SGMS1: variants seen among roughly 807,000 people sequenced by gnomAD.
SGMS1 encodes phosphatidylcholine:ceramide cholinephosphotransferase 1.
A neutral mutation model predicts 46.2 loss-of-function variants in SGMS1; 13 were observed. The ratio of observed to expected loss-of-function variants is 0.28; its 90% CI spans 0.18 to 0.45. The LOEUF (loss-of-function observed/expected upper bound fraction) is 0.45, where lower values mean the gene tolerates loss of function less well. SGMS1 is among the 20% of genes least tolerant of loss of function. The pLI is 1.00. For missense variants in SGMS1, 324 were observed against 519.9 expected (o/e 0.62, Z 3.66); for synonymous variants, 203 against 187.8 (o/e 1.08, Z -0.66).
intron 6 of SGMS1, among the ~76,000 whole-genome samples, chr10:50,374,212 G>C (rs905194736): frequency 1.3e-5 from 2 of 152,140 alleles, no homozygotes; most frequent in African/African-American, 4.8e-5. Flanking sequence ...ACAAAGCATT[G>C]TCCTGGGCAT....
intron 3 of SGMS1, among the ~76,000 whole-genome samples, chr10:50,489,182 A>T (rs572221512): frequency 1.7e-4 from 26 of 152,348 alleles, no homozygotes; most frequent in Non-Finnish European, 1.5e-5. Context: ...GGGCATAAGG[A>T]GTAATCTTTT....
chr10:50,398,513 C>T (rs866791075), intron 6 of SGMS1, among the ~76,000 whole-genome samples: 80 of 152,162 alleles, frequency 5.3e-4, no homozygotes, highest in Admixed American at 2.4e-3. Flanking sequence ...GCTAACAATA[C>T]CGGTGTTGTA....
chr10:50,587,135 C>A (rs965159944), intron 2 of SGMS1, among the ~76,000 whole-genome samples: 1 of 152,124 alleles, frequency 6.6e-6, no homozygotes, highest in East Asian at 1.9e-4. Context: ...AGTAGTCATC[C>A]ATGGAGCAAG....
At chr10:50,475,387 T>C (rs1837411854) in intron 3 of SGMS1, among the ~76,000 whole-genome samples, 1 of 152,246 alleles carries the variant, frequency 6.6e-6, no homozygotes, top group South Asian at 2.1e-4. Flanking sequence ...ACCTTTGATA[T>C]ACGTTCATTT....
intron 6 of SGMS1, among the ~76,000 whole-genome samples, chr10:50,410,987 AG>A (rs1478509384): frequency 6.6e-6 from 1 of 152,214 alleles, no homozygotes; most frequent in Non-Finnish European, 1.5e-5. Context: ...CATTCATTAT[AG>A]GTTAGTTTAA....
intron 6 of SGMS1, among the ~76,000 whole-genome samples, chr10:50,402,501 G>A (rs917822893): frequency 6.6e-6 from 1 of 152,124 alleles, no homozygotes. Context: ...TACATGCCAA[G>A]CCAAGAAAAT....
chr10:50,386,919 AAAAGGGAT>A (rs1356169393), intron 6 of SGMS1, among the ~76,000 whole-genome samples: 1 of 152,164 alleles, frequency 6.6e-6, no homozygotes, highest in Non-Finnish European at 1.5e-5. Flanking sequence ...CAATTCTACA[AAAAGGGAT>A]AAATGAATAT....
At chr10:50,530,894 A>G (rs947701631) in intron 2 of SGMS1, among the ~76,000 whole-genome samples, 1 of 152,192 alleles carries the variant, frequency 6.6e-6, no homozygotes, top group African/African-American at 2.4e-5. Flanking sequence ...AGGATACCTG[A>G]AGGGGAGGCA....
chr10:50,449,242 G>A (rs7893281), intron 5 of SGMS1, among the ~76,000 whole-genome samples: 1 of 151,988 alleles, frequency 6.6e-6, no homozygotes, highest in Admixed American at 6.6e-5. Context: ...ACCTGCCTAT[G>A]TATTATTTTT....
intron 6 of SGMS1, among the ~76,000 whole-genome samples, chr10:50,385,313 G>A (rs1000448322): frequency 2.0e-5 from 3 of 152,082 alleles, no homozygotes; most frequent in Non-Finnish European, 4.4e-5. Flanking sequence ...TCAATAAATG[G>A]CAGCTATTAT....
chr10:50,472,258 T>A (rs1837384990), intron 3 of SGMS1, among the ~76,000 whole-genome samples: 2 of 152,208 alleles, frequency 1.3e-5, no homozygotes. Flanking sequence ...TTGAAATCTA[T>A]GATGCATTAT....
chr10:50,345,531 T>C (rs756805803), intron 6 of SGMS1, among the ~76,000 whole-genome samples: 39 of 152,200 alleles, frequency 2.6e-4, no homozygotes, highest in Non-Finnish European at 5.0e-4. Context: ...CAAAATTTTA[T>C]AAATTTATGC....
At chr10:50,623,523 A>G in intron 1 of SGMS1, 184 bp downstream of exon 1, 1 of 947,436 alleles carries the variant, frequency 1.1e-6, no homozygotes, top group Non-Finnish European at 1.3e-6. Context: ...CACCCACGGG[A>G]GCAGCAGCTC....
intron 1 of SGMS1, among the ~76,000 whole-genome samples, chr10:50,599,471 C>CA (rs1554795180): frequency 6.6e-6 from 1 of 150,624 alleles, no homozygotes; most frequent in Non-Finnish European, 1.5e-5. Flanking sequence ...TGCTGGGAGC[C>CA]TTTTTTTTTA....
chr10:50,370,284 T>C (rs1228147663), intron 6 of SGMS1, among the ~76,000 whole-genome samples: 1 of 152,136 alleles, frequency 6.6e-6, no homozygotes, highest in Non-Finnish European at 1.5e-5. Context: ...TTATAAATTT[T>C]CTAATTTTTA....
intron 7 of SGMS1, among the ~76,000 whole-genome samples, chr10:50,336,969 G>T (rs1197282477): frequency 6.6e-6 from 1 of 152,206 alleles, no homozygotes; most frequent in Non-Finnish European, 1.5e-5. Context: ...CAGATTTTGA[G>T]TAAGCACATA....
intron 6 of SGMS1, among the ~76,000 whole-genome samples, chr10:50,372,111 G>A (rs1031718064): frequency 6.6e-6 from 1 of 152,196 alleles, no homozygotes; most frequent in Non-Finnish European, 1.5e-5. Context: ...TCCCTTGGTT[G>A]TATTTTTCAT....
intron 8 of SGMS1, among the ~76,000 whole-genome samples, chr10:50,324,845 C>T (rs1397596352): frequency 6.6e-6 from 1 of 152,158 alleles, no homozygotes; most frequent in African/African-American, 2.4e-5. Flanking sequence ...AATCTAATGT[C>T]TACAGGCTAC....
intron 2 of SGMS1, among the ~76,000 whole-genome samples, chr10:50,562,709 A>G (rs1838251987): frequency 6.6e-6 from 1 of 151,972 alleles, no homozygotes; most frequent in Admixed American, 6.6e-5. Flanking sequence ...ATGCCCGGCT[A>G]ATTTTTTTGT....
Sources: allele counts gnomAD v4.1 joint callset (sites outside exome capture counted in the v4.1 genomes callset), GRCh38; gene constraint gnomAD v4.1.1; transcripts MANE v1.5; gene names NCBI Gene and HGNC (gene_info 2026-07-23, HGNC 2026-07-21).